Variants in HK1 observed in about 807,000 individuals in gnomAD.
HK1 encodes hexokinase-1.
In HK1, 28 loss-of-function variants were observed where a neutral mutation model predicts 91.6. That is an observed-to-expected ratio of 0.31 (90% confidence interval 0.23 to 0.42). HK1 has a LOEUF of 0.42. Among genes scored for constraint, HK1 ranks in the 10% least tolerant of loss-of-function variants. The pLI, the probability that HK1 is intolerant of heterozygous loss-of-function variation, is 1.00. For missense variants in HK1, 770 were observed against 1,219.8 expected (o/e 0.63, Z 5.49); for synonymous variants, 430 against 468.1 (o/e 0.92, Z 1.05).
chr10:69,388,587 A>G (rs1258619835), intron 13 of HK1, among the ~76,000 whole-genome samples: 1 of 152,230 alleles, frequency 6.6e-6, no homozygotes, highest in African/African-American at 2.4e-5. Flanking sequence ...CATATATACA[A>G]CATGACAAAT....
intron 3 of HK1, among the ~76,000 whole-genome samples, chr10:69,362,755 C>T (rs1480591613): frequency 3.3e-5 from 5 of 152,220 alleles, no homozygotes; most frequent in Admixed American, 3.3e-4. Context: ...AGTCTGGAGC[C>T]TCCGAGTGCA....
At chr10:69,329,142 A>G (rs1847550593) in intron 1 of HK1, among the ~76,000 whole-genome samples, 1 of 149,692 alleles carries the variant, frequency 6.7e-6, no homozygotes, top group Non-Finnish European at 1.5e-5. Context: ...TTTTTTTTGT[A>G]TAGACATGCT....
intron 3 of HK1, among the ~76,000 whole-genome samples, chr10:69,293,177 T>A (rs546477348): frequency 2.0e-5 from 3 of 152,204 alleles, no homozygotes; most frequent in African/African-American, 7.2e-5. Context: ...GGGACGTTTA[T>A]CAACTCTGTG....
intron 3 of HK1, among the ~76,000 whole-genome samples, chr10:69,292,678 A>G (rs772309998): frequency 7.2e-5 from 11 of 152,090 alleles, no homozygotes; most frequent in Non-Finnish European, 1.6e-4. Flanking sequence ...ACAGGTTGTT[A>G]TTACAGATAA....
chr10:69,399,778 C>G (rs955856894), intron 17 of HK1, among the ~76,000 whole-genome samples: 2 of 152,164 alleles, frequency 1.3e-5, no homozygotes, highest in African/African-American at 4.8e-5. Flanking sequence ...CTAGGGTACT[C>G]TTGCCAGTCA....
At chr10:69,310,100 G>A (rs7088667) in intron 5 of HK1, among the ~76,000 whole-genome samples, 2,685 of 144,168 alleles carry the variant, frequency 0.019, 106 homozygotes, top group African/African-American at 0.066. Context: ...CCTGGGTGAC[G>A]GAGTGAAACT....
At chr10:69,343,319 C>CAA (rs1848384492) in intron 1 of HK1, among the ~76,000 whole-genome samples, 9 of 152,162 alleles carry the variant, frequency 5.9e-5, no homozygotes, top group Admixed American at 1.3e-4. Context: ...TTGAACTTGT[C>CAA]CTATATGTTA....
chr10:69,318,458 G>A (rs1846778010), upstream of HK1, among the ~76,000 whole-genome samples: 1 of 152,194 alleles, frequency 6.6e-6, no homozygotes, highest in Non-Finnish European at 1.5e-5. Context: ...AGCCCTAGGG[G>A]CTTCTCGTCC....
At chr10:69,332,980 T>C (rs1004206301) in intron 1 of HK1, among the ~76,000 whole-genome samples, 1 of 152,114 alleles carries the variant, frequency 6.6e-6, no homozygotes, top group African/African-American at 2.4e-5. Context: ...CATCTGCATG[T>C]CTGTGTGCCC....
At chr10:69,383,218 A>G (rs1161640917) in intron 10 of HK1, among the ~76,000 whole-genome samples, 3 of 152,232 alleles carry the variant, frequency 2.0e-5, no homozygotes, top group Non-Finnish European at 2.9e-5. Flanking sequence ...AAGCTGGGCA[A>G]ATCCCACAGC....
chr10:69,392,056 C>G, intron 14 of HK1, 69 bp from the exon 15 acceptor site: 9 of 1,542,156 alleles, frequency 5.8e-6, no homozygotes, highest in Non-Finnish European at 8.1e-6. Flanking sequence ...AGGCCCCAGA[C>G]CCCAGGCCCA....
intron 1 of HK1, among the ~76,000 whole-genome samples, chr10:69,335,732 T>C (rs1394963249): frequency 2.0e-5 from 3 of 152,202 alleles, no homozygotes. Flanking sequence ...GAGGCCTTTA[T>C]AGGTCAAAGT....
chr10:69,329,247 C>T (rs12258259), intron 1 of HK1, among the ~76,000 whole-genome samples: 4,691 of 151,936 alleles, frequency 0.031, 133 homozygotes, highest in African/African-American at 0.064. Context: ...AGTGCAACCT[C>T]TGCCTCCCGG....
Position 69,386,107 on chromosome 10 carries a change from C to CAT in HK1, c.1840-215_1840-214dup, listed in dbSNP as rs1554824337. 3.6e-3 allele frequency among the ~76,000 whole-genome samples: 375 copies of CAT among 102,858 alleles called. 1 individual carries two copies. The highest frequency in any genetic ancestry group is 0.014 in the African/African-American group (350 of 25,068). 67.5% of individuals were successfully genotyped at this position (102,858 alleles called of 152,430 possible). On this transcript the variant is annotated intron_variant, in intron 12 of 17. Coordinates refer to ENST00000359426, the MANE Select transcript of HK1 (RefSeq NM_000188.3). ...ACATTGCTATTTACCTAATGTGCCT[C>CAT]ATGCTCCATCTGTGAAGTGGGATTA...
intron 1 of HK1, among the ~76,000 whole-genome samples, chr10:69,323,298 GAAA>G (rs1169858964): frequency 6.7e-6 from 1 of 149,228 alleles, no homozygotes; most frequent in Non-Finnish European, 1.5e-5. Flanking sequence ...CAGTGGCAAA[GAAA>G]AAAAAGAAAA....
At chr10:69,283,808 A>AAAAAAAAAAAAAAAG (rs1564751495) in intron 2 of HK1, among the ~76,000 whole-genome samples, 15 of 144,774 alleles carry the variant, frequency 1.0e-4, no homozygotes, top group African/African-American at 2.4e-4. Context: ...CAAAAAAAAA[A>AAAAAAAAAAAAAAAG]AAAAAAAAAG....
At chr10:69,391,744 A>T (rs894062711) in intron 14 of HK1, among the ~76,000 whole-genome samples, 1 of 152,208 alleles carries the variant, frequency 6.6e-6, no homozygotes, top group Non-Finnish European at 1.5e-5. Context: ...TTGTATATTC[A>T]TGTGTGCATG....
At chr10:69,308,855 A>G (rs567950383) in intron 5 of HK1, among the ~76,000 whole-genome samples, 3 of 152,322 alleles carry the variant, frequency 2.0e-5, no homozygotes, top group South Asian at 2.1e-4. Context: ...ACAAGAATCT[A>G]ATTGCACTGC....
intron 2 of HK1, among the ~76,000 whole-genome samples, chr10:69,288,347 G>A (rs908349827): frequency 6.6e-6 from 1 of 152,036 alleles, no homozygotes; most frequent in Non-Finnish European, 1.5e-5. Flanking sequence ...CAGTAGCTCA[G>A]GCCTGTAACC....
Sources: gnomAD v4.1 joint callset for allele counts (sites outside exome capture counted in the v4.1 genomes callset) on GRCh38, gnomAD v4.1.1 for gene constraint, MANE v1.5 for transcripts, NCBI Gene and HGNC (gene_info 2026-07-23, HGNC 2026-07-21) for gene names.